The following MS4A15 variants were observed in gnomAD, a reference collection of about 807,000 sequenced individuals.
MS4A15 encodes membrane spanning 4-domains A15.
A neutral mutation model predicts 20.6 loss-of-function variants in MS4A15; 22 were observed. The ratio of observed to expected loss-of-function variants is 1.07; its 90% CI spans 0.76 to 1.52. The LOEUF (loss-of-function observed/expected upper bound fraction) is 1.52, where lower values mean the gene tolerates loss of function less well. Ranked by LOEUF, MS4A15 falls within the 40% of genes most tolerant of loss-of-function variation. The pLI, the probability that MS4A15 is intolerant of heterozygous loss-of-function variation, is 0.00. For synonymous variants in MS4A15, 129 were observed against 129.3 expected (o/e 1.00, Z 0.02); for missense variants, 312 against 323.0 (o/e 0.97, Z 0.26).
At chr11:60,775,210 G>A (rs537821256) in intron 6 of MS4A15, among the ~76,000 whole-genome samples, 127 of 152,126 alleles carry the variant, frequency 8.3e-4, no homozygotes, top group African/African-American at 2.8e-3. Flanking sequence ...CCAGCTACTC[G>A]GGAGGCTGAG....
At chr11:60,761,856 A>G (rs561463940) in intron 1 of MS4A15, among the ~76,000 whole-genome samples, 1 of 152,252 alleles carries the variant, frequency 6.6e-6, no homozygotes, top group South Asian at 2.1e-4. Context: ...GAGCAGAATC[A>G]ATCCTTTTAT....
At chr11:60,767,509 A>T in intron 2 of MS4A15, 24 bp from the exon 3 acceptor site, 1 of 1,496,540 alleles carries the variant, frequency 6.7e-7, no homozygotes, top group East Asian at 2.7e-5. Context: ...GGCCCGCGGC[A>T]CTGAGCCTCG....
intron 2 of MS4A15, 39 bp from the exon 3 acceptor site, chr11:60,767,494 A>C (rs1219565684): frequency 1.4e-6 from 2 of 1,465,128 alleles, no homozygotes; most frequent in Middle Eastern, 1.8e-4. Context: ...GGCGGTGTGG[A>C]ACAGGGCCCG....
chr11:60,769,088 G>A (rs1014862706), intron 3 of MS4A15, among the ~76,000 whole-genome samples: 6 of 152,146 alleles, frequency 3.9e-5, no homozygotes, highest in Non-Finnish European at 7.3e-5. Context: ...AAGAAACAAA[G>A]GGGTCACTTT....
intron 1 of MS4A15, among the ~76,000 whole-genome samples, chr11:60,758,044 T>C (rs1027185150): frequency 6.6e-6 from 1 of 152,234 alleles, no homozygotes; most frequent in African/African-American, 2.4e-5. Context: ...ATTGGAAAAC[T>C]TTGGTAAATG....
At chr11:60,759,309 T>A (rs368833407) in intron 1 of MS4A15, among the ~76,000 whole-genome samples, 1 of 152,256 alleles carries the variant, frequency 6.6e-6, no homozygotes, top group Non-Finnish European at 1.5e-5. Flanking sequence ...GTATGCAGGA[T>A]GTGCCTTGTT....
rs751343109 is a variant in MS4A15, at chr11:60,767,663, C to A, written c.348+8C>A. 7.2e-5 allele frequency: 111 copies of A among 1,544,212 alleles called. No homozygotes were observed. The highest frequency in any genetic ancestry group is 9.3e-5 in the Non-Finnish European group (106 of 1,144,058). On this transcript the variant is annotated splice_region_variant and intron_variant, in intron 3 of 6. Coordinates refer to ENST00000405633, the MANE Select transcript of MS4A15 (RefSeq NM_001098835.2). Reference sequence around the variant, plus strand: ...TTCTGGGGAGGAGCCTGCGTGAGTGCCGGGGCCATGGAGAGGGAGGGTAGG... The same window carrying A: ...TTCTGGGGAGGAGCCTGCGTGAGTGACGGGGCCATGGAGAGGGAGGGTAGG...
intron 3 of MS4A15, among the ~76,000 whole-genome samples, chr11:60,770,356 T>C (rs954307900): frequency 6.6e-6 from 1 of 152,144 alleles, no homozygotes; most frequent in Non-Finnish European, 1.5e-5. Flanking sequence ...TCCCAGCACT[T>C]TGGGAGGCCA....
intron 4 of MS4A15, chr11:60,771,730 A>G: frequency 8.0e-7 from 1 of 1,257,184 alleles, no homozygotes. Flanking sequence ...CACTGAAACC[A>G]CGCCTGGCTC....
intron 2 of MS4A15, among the ~76,000 whole-genome samples, chr11:60,766,267 A>G (rs1003760201): frequency 1.3e-5 from 2 of 152,144 alleles, no homozygotes; most frequent in East Asian, 1.9e-4. Context: ...TGTAATCCCC[A>G]TTACTCAGGA....
chr11:60,772,589 A>G (rs1320522251), intron 4 of MS4A15, among the ~76,000 whole-genome samples: 2 of 152,196 alleles, frequency 1.3e-5, no homozygotes, highest in Non-Finnish European at 1.5e-5. Context: ...TCTGATCTCA[A>G]TGACCTCCTG....
At chr11:60,758,146 C>T (rs1853638488) in intron 1 of MS4A15, among the ~76,000 whole-genome samples, 1 of 152,072 alleles carries the variant, frequency 6.6e-6, no homozygotes, top group Non-Finnish European at 1.5e-5. Context: ...ATAATAATAT[C>T]CCGATACAAC....
chr11:60,771,562 A>G, intron 4 of MS4A15: 2 of 1,527,790 alleles, frequency 1.3e-6, no homozygotes, highest in Non-Finnish European at 1.8e-6. Context: ...TACACAAGCC[A>G]GGGTGGAAAG....
intron 5 of MS4A15, 138 bp downstream of exon 5, chr11:60,773,622 G>T (rs1485171130): frequency 2.4e-6 from 2 of 819,954 alleles, no homozygotes; most frequent in African/African-American, 3.4e-5. Context: ...ATGAATCCAT[G>T]GATCCTCTGA....
In MS4A15 at chr11:60,771,290, GTTC is replaced by G; in HGVS notation, c.349_351del (p.Phe117del). The G allele has an allele frequency of 3.1e-6, 5 of 1,613,846 alleles. No individual in the cohort carries two copies. The South Asian group carries it at 5.5e-5, about 18-fold the overall frequency. On this transcript the variant is annotated inframe_deletion and splice_region_variant, in exon 4 of 7. Coordinates refer to ENST00000405633, the MANE Select transcript of MS4A15 (RefSeq NM_001098835.2). ...TCACCTGGTCCCCTCTCCCCATACA[GTTC>G]ATCATCTCCGGATCCCTCTCAGTGG... is the stretch of plus-strand genomic sequence containing the variant.
rs913496143 is a variant in MS4A15, at chr11:60,759,566, G to A, written c.-29+2508G>A. Among the ~76,000 whole-genome samples, 3 of 152,094 alleles carry A rather than the reference G, an allele frequency of 2.0e-5. No homozygotes were observed. The East Asian group carries it at 5.8e-4, about 29-fold the overall frequency. ...CTGAGGAGGATTAGTAAAAGAGGAA[G>A]GCCTCTTTGTGGTTGAGATAAGAGG... On this transcript the variant is annotated intron_variant, in intron 1 of 6. Coordinates refer to ENST00000405633, the MANE Select transcript of MS4A15 (RefSeq NM_001098835.2).
Position 60,760,898 on chromosome 11 carries a change from C to T in MS4A15, c.-28-2808C>T, listed in dbSNP as rs138853700. 8.5e-4 allele frequency among the ~76,000 whole-genome samples: 129 copies of T among 152,294 alleles called. No homozygotes were observed. The East Asian group carries it at 0.013, about 15-fold the overall frequency. On this transcript the variant is annotated intron_variant, in intron 1 of 6. Coordinates refer to ENST00000405633, the MANE Select transcript of MS4A15 (RefSeq NM_001098835.2). ...GAAATTGGATCAACAGGCAACTATC[C>T]GGCTTGCAGGCATAGAAGCCTCTGT...
chr11:60,759,841 T>G (rs1373931949), intron 1 of MS4A15, among the ~76,000 whole-genome samples: 1 of 152,288 alleles, frequency 6.6e-6, no homozygotes, highest in Non-Finnish European at 1.5e-5. Context: ...CTTACTCACA[T>G]GTTTTCCTGC....
intron 3 of MS4A15, among the ~76,000 whole-genome samples, chr11:60,770,320 C>T (rs1479524467): frequency 6.6e-6 from 1 of 152,134 alleles, no homozygotes; most frequent in Non-Finnish European, 1.5e-5. Context: ...TAAGTTCCGG[C>T]CGGGCACGGT....
Sources: allele counts gnomAD v4.1 joint callset (sites outside exome capture counted in the v4.1 genomes callset), GRCh38; gene constraint gnomAD v4.1.1; transcripts MANE v1.5; gene names NCBI Gene and HGNC (gene_info 2026-07-23, HGNC 2026-07-21).